Variants in BCLAF1 observed in about 807,000 individuals in gnomAD.
BCLAF1 encodes the protein bcl-2-associated transcription factor 1.
A neutral mutation model predicts 99.5 loss-of-function variants in BCLAF1; 10 were observed. That is an observed-to-expected ratio of 0.10 (90% CI 0.06 to 0.17). The LOEUF (loss-of-function observed/expected upper bound fraction) is 0.17, where lower values mean the gene tolerates loss of function less well. Ranked by LOEUF, BCLAF1 falls within the 10% of genes least tolerant of loss-of-function variation. The probability of loss-of-function intolerance (pLI) is 1.00; values close to 1 mark genes in which losing one functional copy is unlikely to be tolerated. For missense variants in BCLAF1, 636 were observed against 1,105.8 expected, an observed-to-expected ratio of 0.58 and a Z score of 6.02; for synonymous variants, 255 against 370.9, an observed-to-expected ratio of 0.69 and a Z score of 3.59.
intron 11 of BCLAF1, among the ~76,000 whole-genome samples, chr6:136,264,062 C>A (rs1393359926): frequency 6.6e-6 from 1 of 152,182 alleles, no homozygotes; most frequent in Non-Finnish European, 1.5e-5. Flanking sequence ...AGCTACTCCA[C>A]CTTTGTACCT....
At position 136,269,482 on chromosome 6, in the gene BCLAF1, T is replaced by A. The variant is rs769509794; in HGVS notation, c.2174A>T (p.Lys725Ile). The A allele has an allele frequency of 2.8e-5, 45 of 1,610,964 alleles. No homozygotes were observed. Among genetic ancestry groups the A allele is most frequent in the Non-Finnish European group, 3.6e-5 (43 of 1,178,630 alleles). Residue 725 changes from lysine (K) to isoleucine (I), a missense_variant, in exon 9 of 13, where the codon AAA (lysine) becomes ATA (isoleucine). Lys to Ile is a moderately radical substitution (Grantham distance 102). This residue lies in a region of BCLAF1 where 180 missense variants were observed against 270.0 expected (regional missense o/e 0.67). Coordinates refer to ENST00000531224, the MANE Select transcript of BCLAF1 (RefSeq NM_014739.3). ...RESSGSRKQE[K>I]TPKDYKEYKS... The stretch of plus-strand genomic sequence containing the variant: ...GTATTCCTTGTAATCTTTTGGAGTT[T>A]TTTCCTGCTTTCTTGATCCACTGGA...
At chr6:136,261,617 C>A (rs1348906525) in intron 11 of BCLAF1, 140 bp from the exon 12 acceptor site, 8 of 855,866 alleles carry the variant, frequency 9.3e-6, no homozygotes, top group Non-Finnish European at 1.4e-5. Context: ...TAAAACAAAA[C>A]CAGTAAAACT....
At chr6:136,275,479 T>G in intron 6 of BCLAF1, 53 bp downstream of exon 6, 3 of 1,425,278 alleles carry the variant, frequency 2.1e-6, no homozygotes, top group Non-Finnish European at 2.8e-6. Context: ...ACACATTTTT[T>G]TATTTGCATG....
In BCLAF1 at chr6:136,259,206, A is replaced by G. The variant is rs1050658352; in HGVS notation, c.*1904T>C. 5 of 152,030 alleles carry G rather than the reference A, an allele frequency of 3.3e-5. No individual in the cohort carries two copies. The highest frequency in any genetic ancestry group is 1.2e-4 in the African/African-American group (5 of 41,440). The allele number at this position is 152,030 out of a possible 1,614,324, so 9.4% of individuals were successfully genotyped here. A position where few individuals can be genotyped will look rare whatever the true frequency, so the allele number is the denominator to read the frequency against. On this transcript the variant is annotated 3_prime_UTR_variant, in exon 13 of 13. Transcript: ENST00000531224. Reference sequence around the variant, plus strand: ...TCTGTTTAACAGAATAAAAGTAACCAAAGGTTAAAGCAATGCATTTGAACT... The same window carrying G: ...TCTGTTTAACAGAATAAAAGTAACCGAAGGTTAAAGCAATGCATTTGAACT...
rs933199899 is a variant in BCLAF1 at position 136,257,836 on chromosome 6, T to C, written c.*3274A>G. The C allele has an allele frequency of 1.3e-5, 2 of 152,010 alleles. No individual in the cohort carries two copies. The highest frequency in any genetic ancestry group is 2.9e-5 in the Non-Finnish European group (2 of 67,922). The allele number at this position is 152,010 out of a possible 1,614,324, so 9.4% of individuals were successfully genotyped here. A position where few individuals can be genotyped will look rare whatever the true frequency, so the allele number is the denominator to read the frequency against. On this transcript the variant is annotated 3_prime_UTR_variant, in exon 13 of 13. Transcript: ENST00000531224. ...TATTATTCCACAAGGAAACTTAAGG[T>C]ACATCCCCACCAATGGGATTCCAGT...
chr6:136,289,403 G>T (rs1018210584), intron 1 of BCLAF1, among the ~76,000 whole-genome samples: 1 of 152,176 alleles, frequency 6.6e-6, no homozygotes, highest in African/African-American at 2.4e-5. Context: ...TGAAGAAATG[G>T]GGGAAGGGTG....
At chr6:136,278,886 C>A (rs1783961201) in intron 3 of BCLAF1, 110 bp from the exon 4 acceptor site, 1 of 1,138,636 alleles carries the variant, frequency 8.8e-7, no homozygotes, top group South Asian at 2.1e-5. Flanking sequence ...CAAAAATACA[C>A]TTTTTTAAAA....
intron 1 of BCLAF1, among the ~76,000 whole-genome samples, chr6:136,288,386 T>C (rs1584121552): frequency 1.3e-5 from 2 of 152,344 alleles, no homozygotes; most frequent in South Asian, 4.1e-4. Context: ...TTACCTATCC[T>C]GAATTGGTCA....
At chr6:136,268,780 T>A (rs907622561) in intron 9 of BCLAF1, 3 of 168,848 alleles carry the variant, frequency 1.8e-5, no homozygotes, top group African/African-American at 7.2e-5. Context: ...AAAAAGCATA[T>A]GACATTACAA....
chr6:136,285,248 A>G (rs1456198040), intron 1 of BCLAF1, among the ~76,000 whole-genome samples: 2 of 152,206 alleles, frequency 1.3e-5, no homozygotes, highest in Non-Finnish European at 2.9e-5. Context: ...AAAAAGAGGC[A>G]AATCCAAGAT....
At chr6:136,273,214 G>A (rs777932882) in intron 6 of BCLAF1, 27 bp from the exon 7 acceptor site, 16 of 1,580,840 alleles carry the variant, frequency 1.0e-5, no homozygotes, top group Admixed American at 5.1e-5. Flanking sequence ...AATACTGTCC[G>A]ATTAGTTAAC....
chr6:136,268,956 T>TA, intron 9 of BCLAF1: 1 of 304,212 alleles, frequency 3.3e-6, no homozygotes, highest in Non-Finnish European at 5.2e-6. Context: ...GGTTAACTCT[T>TA]ACCACTGCTA....
At chr6:136,262,086 A>C (rs1014026883) in intron 11 of BCLAF1, among the ~76,000 whole-genome samples, 2 of 152,174 alleles carry the variant, frequency 1.3e-5, no homozygotes, top group Non-Finnish European at 2.9e-5. Context: ...TCAGTTCTTC[A>C]TCAATCTAAA....
intron 1 of BCLAF1, among the ~76,000 whole-genome samples, chr6:136,288,138 C>T (rs703192): frequency 0.23 from 35,548 of 152,216 alleles, 5,249 homozygotes; most frequent in African/African-American, 0.42. Flanking sequence ...GGCTAAACAG[C>T]TTCCTTTGCC....
intron 1 of BCLAF1, among the ~76,000 whole-genome samples, chr6:136,284,082 CA>C (rs1230343897): frequency 6.8e-6 from 1 of 146,302 alleles, no homozygotes; most frequent in African/African-American, 2.6e-5. Context: ...TAAACAATTC[CA>C]AAAGGCTAAT....
chr6:136,276,709 T>C (rs952893066), intron 4 of BCLAF1, among the ~76,000 whole-genome samples: 1 of 152,200 alleles, frequency 6.6e-6, no homozygotes, highest in African/African-American at 2.4e-5. Flanking sequence ...AAAATAAATT[T>C]ACATTTGACT....
intron 9 of BCLAF1, 110 bp downstream of exon 9, chr6:136,269,327 G>C (rs1375590363): frequency 6.4e-7 from 1 of 1,550,762 alleles, no homozygotes; most frequent in Non-Finnish European, 8.7e-7. Context: ...AATTTTAATT[G>C]TTTAAATTTA....
chr6:136,284,143 T>TATAC (rs1562267235), intron 1 of BCLAF1, among the ~76,000 whole-genome samples: 3 of 145,586 alleles, frequency 2.1e-5, no homozygotes, highest in African/African-American at 7.7e-5. Flanking sequence ...TATATATATA[T>TATAC]ATATATATAT....
rs957308297 is a variant in BCLAF1, at chr6:136,259,151, T to TAC, written c.*1957_*1958dup. On this transcript the variant is annotated 3_prime_UTR_variant, in exon 13 of 13. Transcript: ENST00000531224. Reference sequence around the variant, plus strand: ...AGTTCTTACAATCACCCTAGCCTACTACACTCTGGTATAATACTCTTTCTT... The same window carrying TAC: ...AGTTCTTACAATCACCCTAGCCTACTACACACTCTGGTATAATACTCTTTCTT... 7.9e-5 allele frequency: 12 copies of TAC among 152,056 alleles called. No homozygotes were observed. Among genetic ancestry groups the TAC allele is most frequent in the Admixed American group, 3.9e-4 (6 of 15,268 alleles). 9.4% of individuals were successfully genotyped at this position (152,056 alleles called of 1,614,324 possible).
Sources: gnomAD v4.1 joint callset for allele counts (sites outside exome capture counted in the v4.1 genomes callset) on GRCh38, gnomAD v4.1.1 for gene constraint, gnomAD v4.1.1 regional missense constraint, MANE v1.5 for transcripts, NCBI Gene and HGNC (gene_info 2026-07-23, HGNC 2026-07-21) for gene names.